Variants in PRP4K observed in about 807,000 individuals in gnomAD.
PRP4K encodes serine/threonine-protein kinase PRP4 homolog.
chr6:4,045,176 C>T, the PRP4K span, among the ~76,000 whole-genome samples: 2 of 152,156 alleles, frequency 1.3e-5, no homozygotes, highest in African/African-American at 4.8e-5. Context: ...CACTGTTGAA[C>T]GGACATGGCT....
the PRP4K span, among the ~76,000 whole-genome samples, chr6:4,048,765 A>G: frequency 6.6e-6 from 1 of 150,686 alleles, no homozygotes; most frequent in African/African-American, 2.4e-5. Flanking sequence ...TTAGTAGAGA[A>G]GGGGTGTCAC....
At chr6:4,029,968 C>T in the PRP4K span, among the ~76,000 whole-genome samples, 6 of 146,136 alleles carry the variant, frequency 4.1e-5, no homozygotes, top group Non-Finnish European at 7.5e-5. Flanking sequence ...TTTGAGACTG[C>T]GTCACACTGT....
chr6:4,026,395 C>G, the PRP4K span, among the ~76,000 whole-genome samples: 1 of 137,872 alleles, frequency 7.3e-6, no homozygotes, highest in Non-Finnish European at 1.6e-5. Flanking sequence ...CTTCGCCTCC[C>G]AGGTTCAAGC....
the PRP4K span, chr6:4,064,751 G>A: frequency 8.5e-5 from 13 of 152,564 alleles, no homozygotes; most frequent in Non-Finnish European, 1.9e-4. Context: ...CAGTTATTCT[G>A]ATAGATGTCA....
the PRP4K span, chr6:4,042,457 CTCT>C: frequency 6.6e-7 from 1 of 1,518,878 alleles, no homozygotes; most frequent in Non-Finnish European, 9.1e-7. Flanking sequence ...GTTTTAGAAT[CTCT>C]TAAGGGTGTT....
the PRP4K span, chr6:4,056,715 A>G: frequency 5.9e-6 from 9 of 1,529,412 alleles, no homozygotes; most frequent in Admixed American, 1.7e-5. Flanking sequence ...TATGGATTGT[A>G]TGGGACCTTT....
chr6:4,063,943 G>A, the PRP4K span: 1 of 152,124 alleles, frequency 6.6e-6, no homozygotes, highest in Non-Finnish European at 1.5e-5. Flanking sequence ...AGAAGTGTTA[G>A]GTACGGCTCT....
At chr6:4,059,411 TAC>T in the PRP4K span, among the ~76,000 whole-genome samples, 1 of 152,192 alleles carries the variant, frequency 6.6e-6, no homozygotes, top group African/African-American at 2.4e-5. Flanking sequence ...TCAGCTGAAA[TAC>T]ACATTCTGTA....
At chr6:4,042,122 G>A in the PRP4K span, among the ~76,000 whole-genome samples, 20 of 152,254 alleles carry the variant, frequency 1.3e-4, no homozygotes, top group Admixed American at 3.9e-4. Flanking sequence ...ATCCAGAAAA[G>A]GTAGCAATTT....
At chr6:4,055,853 C>A in the PRP4K span, among the ~76,000 whole-genome samples, 1 of 152,144 alleles carries the variant, frequency 6.6e-6, no homozygotes, top group African/African-American at 2.4e-5. Context: ...ATAGCAGCTT[C>A]GGATGAAGAA....
the PRP4K span, among the ~76,000 whole-genome samples, chr6:4,029,275 T>C: frequency 6.6e-6 from 1 of 151,938 alleles, no homozygotes; most frequent in South Asian, 2.1e-4. Context: ...TCTTTCTCTA[T>C]TTGAAATGCC....
chr6:4,051,983 A>G, the PRP4K span: 1 of 1,588,442 alleles, frequency 6.3e-7, no homozygotes, highest in Non-Finnish European at 8.6e-7. Flanking sequence ...AAAGAATTAG[A>G]GTTCTTGAAA....
chr6:4,056,156 ATAGT>A, the PRP4K span, among the ~76,000 whole-genome samples: 1 of 152,238 alleles, frequency 6.6e-6, no homozygotes, highest in Admixed American at 6.5e-5. Flanking sequence ...TTAACTTTTC[ATAGT>A]TAGGAAATTG....
chr6:4,047,181 C>G, the PRP4K span: 8 of 1,608,752 alleles, frequency 5.0e-6, no homozygotes, highest in Non-Finnish European at 6.8e-6. Context: ...TAAGGTTCAT[C>G]TCAGAAGAAG....
the PRP4K span, chr6:4,037,572 TAA>T: frequency 1.9e-6 from 3 of 1,611,740 alleles, no homozygotes; most frequent in South Asian, 1.1e-5. Flanking sequence ...TCGGAGAAGG[TAA>T]AGACATTTCA....
the PRP4K span, among the ~76,000 whole-genome samples, chr6:4,027,799 G>A: frequency 3.9e-5 from 6 of 152,130 alleles, no homozygotes; most frequent in Admixed American, 2.6e-4. Flanking sequence ...AGGCAGTCTG[G>A]CTCCAGAGAC....
the PRP4K span, chr6:4,043,761 T>C: frequency 6.5e-7 from 1 of 1,547,854 alleles, no homozygotes. Context: ...ATGAATGTAT[T>C]TGGATAGCAT....
At chr6:4,037,720 A>T in the PRP4K span, 2 of 631,434 alleles carry the variant, frequency 3.2e-6, no homozygotes, top group Admixed American at 3.7e-5. Flanking sequence ...ATCTCTACAC[A>T]TGGGTTTTCT....
At chr6:4,064,377 T>C in the PRP4K span, 1 of 152,600 alleles carries the variant, frequency 6.6e-6, no homozygotes, top group Admixed American at 6.5e-5. Context: ...TACCTGTATT[T>C]TATCATTTGT....
Sources: allele counts gnomAD v4.1 joint callset (sites outside exome capture counted in the v4.1 genomes callset), GRCh38; gene constraint gnomAD v4.1.1; transcripts MANE v1.5; gene names NCBI Gene and HGNC (gene_info 2026-07-23, HGNC 2026-07-21).